Variants in ABCA9 observed in about 807,000 individuals in gnomAD.
ABCA9 encodes ATP binding cassette subfamily A member 9.
ABCA9 carries 183 observed loss-of-function variants against 205.3 expected under a neutral mutation model. The ratio of observed to expected loss-of-function variants is 0.89; its 90% confidence interval spans 0.79 to 1.01. The LOEUF (loss-of-function observed/expected upper bound fraction) is 1.01. ABCA9 is among the 50% of genes least tolerant of loss of function. The probability of loss-of-function intolerance (pLI) is 0.00; values close to 1 mark genes in which losing one functional copy is unlikely to be tolerated. For missense variants in ABCA9, 1,805 were observed against 1,912.4 expected, an observed-to-expected ratio of 0.94 and a Z score of 1.05; for synonymous variants, 651 against 683.3, an observed-to-expected ratio of 0.95 and a Z score of 0.74.
At chr17:69,046,810 C>A (rs1460428466) in intron 3 of ABCA9, among the ~76,000 whole-genome samples, 1 of 147,292 alleles carries the variant, frequency 6.8e-6, no homozygotes, top group Admixed American at 6.8e-5. Context: ...CAACCCAAGT[C>A]TAAATGTGAA....
Position 69,027,733 on chromosome 17 carries a change from T to C in ABCA9, c.1698A>G (p.Gln566=). 1 of 1,613,276 alleles carries C rather than the reference T, an allele frequency of 6.2e-7. No homozygotes were observed. Among genetic ancestry groups the C allele is most frequent in the South Asian group, 1.1e-5 (1 of 91,038 alleles). ...TGAGAAATCCAAATTGCACATTGGA[T>C]TGTGGACAAAATCCAGTGAACTTGC... is the stretch of plus-strand genomic sequence containing the variant. The part of the protein sequence containing the change: ...NISKFTGFCP[Q]SNVQFGFLTV... The change falls in exon 13 of 39, where the codon CAA becomes CAG. Residue 566 remains glutamine, a synonymous_variant. Transcript: ENST00000340001.
At chr17:69,077,251 C>T in the ABCA9 span, among the ~76,000 whole-genome samples, 1 of 151,910 alleles carries the variant, frequency 6.6e-6, no homozygotes, top group Non-Finnish European at 1.5e-5. Context: ...TAATTTCTGC[C>T]TTAATTTCAT....
chr17:68,977,812 G>A (rs1015563202), intron 37 of ABCA9, among the ~76,000 whole-genome samples: 6 of 152,166 alleles, frequency 3.9e-5, no homozygotes, highest in African/African-American at 7.2e-5. Flanking sequence ...ACTTTGTGTC[G>A]TCTTCACATA....
chr17:69,066,492 A>T, the ABCA9 span, among the ~76,000 whole-genome samples: 1 of 152,164 alleles, frequency 6.6e-6, no homozygotes. Context: ...TAAAGACAAC[A>T]TTTAAAAAGG....
chr17:69,049,420 T>C lies in ABCA9; in HGVS notation c.167A>G (p.Asp56Gly). The C allele has an allele frequency of 6.2e-7, 1 of 1,613,072 alleles. No individual in the cohort carries two copies. The highest frequency in any genetic ancestry group is 8.5e-7 in the Non-Finnish European group (1 of 1,179,404). ...LFFSNLHQVH[D>G]TPQMSSMDLG... ...ATCCATTGAAGACATTTGAGGAGTGTCATGAACTTGATGTAAATTGGAGAA... is the reference window on the plus strand; with the variant it reads ...ATCCATTGAAGACATTTGAGGAGTGCCATGAACTTGATGTAAATTGGAGAA... Residue 56 changes from aspartate (D) to glycine (G), a missense_variant, in exon 3 of 39, where the codon GAC becomes GGC. By Grantham distance (94) the Asp-to-Gly change is moderately conservative. Coordinates refer to ENST00000340001, the MANE Select transcript of ABCA9 (RefSeq NM_080283.4).
chr17:68,985,631 A>AC (rs1394540886), intron 32 of ABCA9, among the ~76,000 whole-genome samples: 5 of 152,148 alleles, frequency 3.3e-5, no homozygotes, highest in Admixed American at 3.3e-4. Context: ...AAAAAACAAA[A>AC]CAAACAAAAA....
At chr17:68,981,364 C>A (rs771481102) in intron 37 of ABCA9, among the ~76,000 whole-genome samples, 1 of 152,024 alleles carries the variant, frequency 6.6e-6, no homozygotes, top group Admixed American at 6.5e-5. Flanking sequence ...ACATGAGCAG[C>A]CTTTTTTAAA....
At position 69,060,903 on chromosome 17, in the gene ABCA9, TC is replaced by T; in HGVS notation, c.-52del. ...TGGAGGAAAAATCTAGAAACACAGT[TC>T]ATCCATGGGTCTCTGCATGTTCTGG... On this transcript the variant is annotated 5_prime_UTR_variant, in exon 1 of 39. The change abolishes an upstream ATG in the 5' untranslated region. Transcript: ENST00000340001. 1.0e-6 allele frequency: 1 copy of T among 985,468 alleles called. No homozygotes were observed. The highest frequency in any genetic ancestry group is 1.2e-6 in the Non-Finnish European group (1 of 829,934). The allele number at this position is 985,468 out of a possible 1,614,324, so 61.0% of individuals were successfully genotyped here. A position where few individuals can be genotyped will look rare whatever the true frequency, so the allele number is the denominator to read the frequency against.
chr17:69,002,709 C>T (rs1384247594), intron 25 of ABCA9, among the ~76,000 whole-genome samples: 4 of 147,410 alleles, frequency 2.7e-5, no homozygotes, highest in Non-Finnish European at 4.5e-5. Context: ...CTAATGTTGA[C>T]AGTGGGGTGT....
rs1230632181 is a variant in ABCA9, at chr17:69,026,973, T to C, written c.2050+3A>G. 4 of 1,613,602 alleles carry C rather than the reference T, an allele frequency of 2.5e-6. No individual in the cohort carries two copies. The highest frequency in any genetic ancestry group is 3.4e-6 in the Non-Finnish European group (4 of 1,179,854). ...AAGATACATAAGAGAAACAAAAAATTACCCGCCAGAATGTCAGCCTCATCT... is the reference window on the plus strand; with the variant it reads ...AAGATACATAAGAGAAACAAAAAATCACCCGCCAGAATGTCAGCCTCATCT... On this transcript the variant is annotated splice_donor_region_variant and intron_variant, in intron 15 of 38. Transcript: ENST00000340001.
At chr17:69,035,533 C>A in intron 7 of ABCA9, 102 bp from the exon 8 acceptor site, 2 of 1,421,332 alleles carry the variant, frequency 1.4e-6, no homozygotes, top group Non-Finnish European at 1.9e-6. Context: ...TTTTTCCACC[C>A]CTAGACACTG....
At chr17:69,063,856 G>A (rs1161981505), upstream of ABCA9, among the ~76,000 whole-genome samples, 18 of 152,226 alleles carry the variant, frequency 1.2e-4, no homozygotes, top group Admixed American at 1.2e-3. Context: ...ACAGGCGTGA[G>A]CCACCGCGCC....
chr17:68,994,739 C>T (rs529959413), intron 26 of ABCA9, among the ~76,000 whole-genome samples: 1 of 152,162 alleles, frequency 6.6e-6, no homozygotes, highest in Non-Finnish European at 1.5e-5. Flanking sequence ...TCATATTAAG[C>T]ATGTGGAATG....
chr17:69,027,118 G>A lies in ABCA9; in HGVS notation c.1912-4C>T. On this transcript the variant is annotated splice_polypyrimidine_tract_variant and splice_region_variant and intron_variant, in intron 14 of 38. Coordinates refer to ENST00000340001, the MANE Select transcript of ABCA9 (RefSeq NM_080283.4). ...TCGGTTCATCCAATAGCAAAACCTGGACAGGAGGAAAGTCCTAAAGTAATT... is the reference window on the plus strand; with the variant it reads ...TCGGTTCATCCAATAGCAAAACCTGAACAGGAGGAAAGTCCTAAAGTAATT... 1 of 1,613,712 alleles carries A rather than the reference G, an allele frequency of 6.2e-7. No homozygotes were observed. Among genetic ancestry groups the A allele is most frequent in the Non-Finnish European group, 8.5e-7 (1 of 1,179,946 alleles).
intron 22 of ABCA9, among the ~76,000 whole-genome samples, chr17:69,015,663 G>A (rs754382728): frequency 4.6e-5 from 7 of 152,094 alleles, no homozygotes; most frequent in Non-Finnish European, 8.8e-5. Context: ...CTCATCACTC[G>A]TTCCTACAAT....
At chr17:69,025,117 G>A (rs893322594) in intron 16 of ABCA9, among the ~76,000 whole-genome samples, 2 of 152,272 alleles carry the variant, frequency 1.3e-5, no homozygotes, top group Middle Eastern at 3.4e-3. Context: ...CTTCTCTAAA[G>A]AAGCTTCCAA....
rs1293129537 is a variant in ABCA9 at position 69,021,875 on chromosome 17, CA to C, written c.2282-15del. The stretch of plus-strand genomic sequence containing the variant: ...CCCTGTAAAGTTCTAAAAGTGGATA[CA>C]AAAACAGATTATAAGAATATAATTT... On this transcript the variant is annotated splice_polypyrimidine_tract_variant and intron_variant, in intron 17 of 38. Coordinates refer to ENST00000340001, the MANE Select transcript of ABCA9 (RefSeq NM_080283.4). The C allele has an allele frequency of 2.1e-6, 3 of 1,406,198 alleles. No individual in the cohort carries two copies. Among genetic ancestry groups the C allele is most frequent in the Non-Finnish European group, 2.9e-6 (3 of 1,039,148 alleles). The allele number at this position is 1,406,198 out of a possible 1,614,324, so 87.1% of individuals were successfully genotyped here.
intron 19 of ABCA9, 31 bp from the exon 20 acceptor site, chr17:69,018,610 T>A: frequency 6.6e-7 from 1 of 1,510,810 alleles, no homozygotes; most frequent in Non-Finnish European, 8.9e-7. Context: ...AAGAAAAAAA[T>A]AATTTTAGCA....
At position 69,008,079 on chromosome 17, in the gene ABCA9, GA is replaced by G; in HGVS notation, c.3303del (p.Gln1102LysfsTer4). 1 of 1,607,368 alleles carries G rather than the reference GA, an allele frequency of 6.2e-7. No homozygotes were observed. The highest frequency in any genetic ancestry group is 2.2e-5 in the East Asian group (1 of 44,828). The stretch of plus-strand genomic sequence containing the variant: ...CCACTTACTTGAATTAACAGGTTTT[GA>G]ATTATAAATATAATCTCCTCTGGGC... ...IFSPEEIIFI[I>X]QNLLIQILCS... On this transcript the variant is annotated frameshift_variant, in exon 24 of 39. Coordinates refer to ENST00000340001, the MANE Select transcript of ABCA9 (RefSeq NM_080283.4). LOFTEE classifies it high-confidence loss of function.
Sources: gnomAD v4.1 joint callset for allele counts (sites outside exome capture counted in the v4.1 genomes callset) on GRCh38, gnomAD v4.1.1 for gene constraint, MANE v1.5 for transcripts, NCBI Gene and HGNC (gene_info 2026-07-23, HGNC 2026-07-21) for gene names.